The following MSANTD4 variants were observed in gnomAD, a reference collection of about 807,000 sequenced individuals.
MSANTD4 encodes the protein myb/SANT-like DNA-binding domain-containing protein 4.
Under a neutral mutation model 34.3 loss-of-function variants are expected in MSANTD4, and 13 were observed. That is an observed-to-expected ratio of 0.38 (90% CI 0.25 to 0.60). The LOEUF (loss-of-function observed/expected upper bound fraction) is 0.60, where lower values mean the gene tolerates loss of function less well. Ranked by LOEUF, MSANTD4 falls within the 20% of genes least tolerant of loss-of-function variation. The probability of loss-of-function intolerance (pLI) is 0.63; values close to 1 mark genes in which losing one functional copy is unlikely to be tolerated. For missense variants in MSANTD4, 358 were observed against 401.8 expected, an observed-to-expected ratio of 0.89 and a Z score of 0.93; for synonymous variants, 137 against 145.2, an observed-to-expected ratio of 0.94 and a Z score of 0.41.
chr11:106,016,832 A>G (rs191648638), intron 1 of MSANTD4, among the ~76,000 whole-genome samples: 1 of 152,320 alleles, frequency 6.6e-6, no homozygotes. Context: ...AGTCAGGCAT[A>G]TTGACCAACC....
intron 1 of MSANTD4, among the ~76,000 whole-genome samples, chr11:106,018,220 T>C (rs1197324531): frequency 6.6e-6 from 1 of 152,196 alleles, no homozygotes; most frequent in Non-Finnish European, 1.5e-5. Context: ...AATATAAAAA[T>C]TATCAATGAG....
rs1192351405 is a variant in MSANTD4, at chr11:106,009,702, G to C, written c.871C>G (p.Gln291Glu). Residue 291 changes from glutamine (Q) to glutamate (E), a missense_variant, in exon 3 of 3, where the codon CAG (glutamine) becomes GAG (glutamate). Gln to Glu is a conservative substitution (Grantham distance 29). Around this residue, in one of 2 missense-constraint regions of MSANTD4, gnomAD observed 312 missense variants for 317.6 expected, o/e 0.98. Transcript: ENST00000301919. The stretch of plus-strand genomic sequence containing the variant: ...TTTAACTTCTCTGTTTCTATGTCCT[G>C]TGGTTGAAGCATGGATTTTTCTCCT... ...GQGEKSMLQP[Q>E]DIETEKLKLE... 1.9e-6 allele frequency: 3 copies of C among 1,614,060 alleles called. No homozygotes were observed. In the Admixed American group the frequency reaches 5.0e-5, roughly 27 times the overall value.
Position 106,009,802 on chromosome 11 carries a change from C to T in MSANTD4, c.771G>A (p.Leu257=). Residue 257 remains leucine (L), a synonymous_variant, in exon 3 of 3, where the codon CTG becomes CTA. Transcript: ENST00000301919. Reference sequence around the variant, plus strand: ...ACCTCAACTTTTCTCTTTCAATCTGCAGCCGCTCCTTCTCTAGCTGAAGCC... The same window carrying T: ...ACCTCAACTTTTCTCTTTCAATCTGTAGCCGCTCCTTCTCTAGCTGAAGCC... ...HERLQLEKER[L]QIEREKLRLQ... 1.9e-6 allele frequency: 3 copies of T among 1,614,202 alleles called. No homozygotes were observed. In the South Asian group the frequency reaches 3.3e-5, roughly 18 times the overall value.
rs139850262 is a variant in MSANTD4 at position 106,018,818 on chromosome 11, T to C, written c.-151+2144A>G. Among the ~76,000 whole-genome samples the C allele has an allele frequency of 6.2e-3, 945 of 152,302 alleles. 6 individuals carry two copies. The highest frequency in any genetic ancestry group is 0.021 in the African/African-American group (880 of 41,572). On this transcript the variant is annotated intron_variant, in intron 1 of 2. Transcript: ENST00000301919. ...TGAATGAAAGCTTAGGTGATTTAGA[T>C]ATAAGAAGAAAAGGACTGCTCTCTT...
chr11:106,011,081 A>T lies in MSANTD4; in HGVS notation c.-150-14T>A, dbSNP rs1209073830. 3 of 1,263,802 alleles carry T rather than the reference A, an allele frequency of 2.4e-6. No individual in the cohort carries two copies. The highest frequency in any genetic ancestry group is 3.1e-6 in the Non-Finnish European group (3 of 954,566). The allele number at this position is 1,263,802 out of a possible 1,614,324, so 78.3% of individuals were successfully genotyped here. A position where few individuals can be genotyped will look rare whatever the true frequency, so the allele number is the denominator to read the frequency against. On this transcript the variant is annotated splice_polypyrimidine_tract_variant and intron_variant, in intron 1 of 2. Coordinates refer to ENST00000301919, the MANE Select transcript of MSANTD4 (RefSeq NM_032424.3). Reference sequence around the variant, plus strand: ...TCTGGATAATTCCTAAAAGGAAAAAAGTACAAGCAATCAATCAATCTGCAA... The same window carrying T: ...TCTGGATAATTCCTAAAAGGAAAAATGTACAAGCAATCAATCAATCTGCAA...
rs761411964 is a variant in MSANTD4 at position 106,010,430 on chromosome 11, AAGAGGGTAC to A, written c.462+17_462+25del. 1.1e-5 allele frequency: 17 copies of A among 1,566,154 alleles called. No homozygotes were observed. In the South Asian group the frequency reaches 1.4e-4, roughly 13 times the overall value. On this transcript the variant is annotated intron_variant, in intron 2 of 2. Transcript: ENST00000301919. ...CCCACATCAGAATTGAAAAGATTAAAAGAGGGTACAGAGGCTAATACTTACTTCAGGACT... is the reference window on the plus strand; with the variant it reads ...CCCACATCAGAATTGAAAAGATTAAAAGAGGCTAATACTTACTTCAGGACT...
In MSANTD4 at chr11:106,008,353, T is replaced by C. The variant is rs1859588104; in HGVS notation, c.*1182A>G. The stretch of plus-strand genomic sequence containing the variant: ...ATACTACAATATAGAAGATCAGCCA[T>C]TTACTCTGTGTCACTTCTCTGAGCT... On this transcript the variant is annotated 3_prime_UTR_variant, in exon 3 of 3. Coordinates refer to ENST00000301919, the MANE Select transcript of MSANTD4 (RefSeq NM_032424.3). The C allele has an allele frequency of 1.3e-5, 2 of 152,346 alleles. No individual in the cohort carries two copies. The highest frequency in any genetic ancestry group is 2.1e-4 in the South Asian group (1 of 4,824). 9.4% of individuals were successfully genotyped at this position (152,346 alleles called of 1,614,324 possible).
intron 2 of MSANTD4, 36 bp downstream of exon 2, chr11:106,010,420 A>C (rs1376875642): frequency 1.3e-6 from 2 of 1,548,384 alleles, no homozygotes; most frequent in Non-Finnish European, 1.7e-6. Context: ...ATCAGAATTG[A>C]AAAGATTAAA....
At chr11:106,013,889 G>C (rs1768123029) in intron 1 of MSANTD4, among the ~76,000 whole-genome samples, 1 of 152,170 alleles carries the variant, frequency 6.6e-6, no homozygotes, top group South Asian at 2.1e-4. Context: ...AAAAAGTGTT[G>C]CTAAGGTAAG....
At chr11:106,013,980 G>A (rs1054122724) in intron 1 of MSANTD4, among the ~76,000 whole-genome samples, 99 of 152,130 alleles carry the variant, frequency 6.5e-4, no homozygotes, top group African/African-American at 2.3e-3. Flanking sequence ...TCTTTCAATC[G>A]GTTACATTTC....
At chr11:106,014,437 ATGG>A (rs1425754691) in intron 1 of MSANTD4, among the ~76,000 whole-genome samples, 1 of 152,208 alleles carries the variant, frequency 6.6e-6, no homozygotes, top group Non-Finnish European at 1.5e-5. Context: ...CTTTTAACAC[ATGG>A]TTTCTTTTCT....
rs981373245 is a variant in MSANTD4, at chr11:106,008,751, C to T, written c.*784G>A. ...AAAAGGAACTAAAGCTTTAAAATTG[C>T]GTCTTGCTTCTAAAGCATTAATAGT... is the stretch of plus-strand genomic sequence containing the variant. On this transcript the variant is annotated 3_prime_UTR_variant, in exon 3 of 3. Transcript: ENST00000301919. The T allele has an allele frequency of 9.2e-5, 14 of 152,196 alleles. No homozygotes were observed. Among genetic ancestry groups the T allele is most frequent in the Admixed American group, 4.6e-4 (7 of 15,290 alleles). The allele number at this position is 152,196 out of a possible 1,614,324, so 9.4% of individuals were successfully genotyped here. A position where few individuals can be genotyped will look rare whatever the true frequency, so the allele number is the denominator to read the frequency against.
Position 106,021,735 on chromosome 11 carries a change from C to CTA in MSANTD4, c.-925_-924insTA, listed in dbSNP as rs1013424087. On this transcript the variant is annotated 5_prime_UTR_variant, in exon 1 of 3. Coordinates refer to ENST00000301919, the MANE Select transcript of MSANTD4 (RefSeq NM_032424.3). ...CGGTTATCAAAGTATCTTTCACCTC[C>CTA]CTCCCGCTGCCTCCTTTGGGACCGT... 13 of 152,312 alleles carry CTA rather than the reference C, an allele frequency of 8.5e-5. No individual in the cohort carries two copies. Among genetic ancestry groups the CTA allele is most frequent in the African/African-American group, 3.1e-4 (13 of 41,536 alleles). 9.4% of individuals were successfully genotyped at this position (152,312 alleles called of 1,614,324 possible).
intron 1 of MSANTD4, among the ~76,000 whole-genome samples, chr11:106,016,592 A>C (rs1300940309): frequency 1.3e-5 from 2 of 152,252 alleles, no homozygotes; most frequent in African/African-American, 4.8e-5. Context: ...AAGGGTATAG[A>C]AAGAGAAACA....
chr11:106,009,796 A>G lies in MSANTD4; in HGVS notation c.777T>C (p.Ile259=). Residue 259 remains isoleucine, a synonymous_variant, in exon 3 of 3, where the codon ATT becomes ATC. Coordinates refer to ENST00000301919, the MANE Select transcript of MSANTD4 (RefSeq NM_032424.3). ...TCTGTAACCTCAACTTTTCTCTTTC[A>G]ATCTGCAGCCGCTCCTTCTCTAGCT... The part of the protein sequence containing the change: ...RLQLEKERLQ[I]EREKLRLQIV... The G allele has an allele frequency of 1.9e-6, 3 of 1,614,068 alleles. No homozygotes were observed. The highest frequency in any genetic ancestry group is 2.5e-6 in the Non-Finnish European group (3 of 1,180,028).
At position 106,011,015 on chromosome 11, in the gene MSANTD4, A is replaced by G; in HGVS notation, c.-98T>C. 6.9e-7 allele frequency: 1 copy of G among 1,440,110 alleles called. No homozygotes were observed. Among genetic ancestry groups the G allele is most frequent in the South Asian group, 1.5e-5 (1 of 66,102 alleles). The allele number at this position is 1,440,110 out of a possible 1,614,324, so 89.2% of individuals were successfully genotyped here. A position where few individuals can be genotyped will look rare whatever the true frequency, so the allele number is the denominator to read the frequency against. ...CAGGGATAATTCTTTGCTGGCCCTT[A>G]GTTCAAATCATTGTCTTCCATTCAT... is the stretch of plus-strand genomic sequence containing the variant. On this transcript the variant is annotated 5_prime_UTR_variant, in exon 2 of 3. It removes the in-frame stop codon of an upstream open reading frame in the 5' UTR. Transcript: ENST00000301919.
chr11:106,012,243 T>C (rs976596565), intron 1 of MSANTD4, among the ~76,000 whole-genome samples: 3 of 152,100 alleles, frequency 2.0e-5, no homozygotes, highest in African/African-American at 4.8e-5. Context: ...GCACATTGCA[T>C]GGTTTGCCCT....
At chr11:106,014,028 G>C (rs553198897) in intron 1 of MSANTD4, among the ~76,000 whole-genome samples, 1 of 152,290 alleles carries the variant, frequency 6.6e-6, no homozygotes, top group East Asian at 1.9e-4. Flanking sequence ...CCGGAGACCT[G>C]GCCTGAAGAA....
chr11:106,015,973 C>G (rs1278841787), intron 1 of MSANTD4, among the ~76,000 whole-genome samples: 2 of 152,162 alleles, frequency 1.3e-5, no homozygotes, highest in Non-Finnish European at 2.9e-5. Context: ...CAGTGATCTT[C>G]CCGCCTCAGC....
Sources: allele counts gnomAD v4.1 joint callset (sites outside exome capture counted in the v4.1 genomes callset), GRCh38; gene constraint gnomAD v4.1.1; regional missense constraint gnomAD v4.1.1; transcripts MANE v1.5; gene names NCBI Gene and HGNC (gene_info 2026-07-23, HGNC 2026-07-21).